The following BICD1 variants were observed in gnomAD, a reference collection of about 807,000 sequenced individuals.
BICD1 encodes protein bicaudal D homolog 1.
In BICD1, 35 loss-of-function variants were observed where a neutral mutation model predicts 92.5. The observed-to-expected ratio is 0.38, with a 90% confidence interval of 0.29 to 0.50. The LOEUF (loss-of-function observed/expected upper bound fraction) is 0.50. Ranked by LOEUF, BICD1 falls within the 20% of genes least tolerant of loss-of-function variation. The pLI is 0.93. For missense variants in BICD1, 950 were observed against 1,189.8 expected (o/e 0.80, Z 2.97); for synonymous variants, 429 against 465.1 (o/e 0.92, Z 1.00).
At chr12:32,307,582 A>G (rs953331752) in intron 4 of BICD1, among the ~76,000 whole-genome samples, 2 of 152,212 alleles carry the variant, frequency 1.3e-5, no homozygotes, top group East Asian at 1.9e-4. Context: ...TATCTCTCCA[A>G]GGTTCTTCAT....
chr12:32,332,189 T>A (rs1816611411), intron 5 of BICD1, among the ~76,000 whole-genome samples: 1 of 151,838 alleles, frequency 6.6e-6, no homozygotes, highest in South Asian at 2.1e-4. Flanking sequence ...AATAGACACA[T>A]AGAGGGGAAC....
intron 1 of BICD1, among the ~76,000 whole-genome samples, chr12:32,126,649 TG>T (rs1942352169): frequency 6.6e-6 from 1 of 151,778 alleles, no homozygotes; most frequent in Non-Finnish European, 1.5e-5. Context: ...CCCAGCTACT[TG>T]GGAGGCTGAG....
intron 2 of BICD1, among the ~76,000 whole-genome samples, chr12:32,288,015 G>A (rs1947620171): frequency 6.6e-6 from 1 of 152,310 alleles, no homozygotes; most frequent in South Asian, 2.1e-4. Context: ...CATAGTCACA[G>A]TGTTACAAGA....
intron 2 of BICD1, among the ~76,000 whole-genome samples, chr12:32,246,257 C>G (rs74794043): frequency 0.052 from 7,452 of 143,158 alleles, 616 homozygotes; most frequent in African/African-American, 0.18. Context: ...GGGAGGATCA[C>G]TTGTGACTGG....
chr12:32,168,237 A>C (rs1446293840), intron 1 of BICD1, among the ~76,000 whole-genome samples: 160 of 152,294 alleles, frequency 1.1e-3, no homozygotes, highest in South Asian at 1.2e-3. Flanking sequence ...ACTGGGAAAT[A>C]CCAGATTGCT....
At chr12:32,177,682 A>ATTCTTTTTTTT (rs766041969) in intron 1 of BICD1, among the ~76,000 whole-genome samples, 1 of 43,036 alleles carries the variant, frequency 2.3e-5, no homozygotes. Flanking sequence ...AAGAAAACAC[A>ATTCTTTTTTTT]TTATTAAAGT....
chr12:32,115,639 G>T (rs994055670), intron 1 of BICD1, among the ~76,000 whole-genome samples: 1 of 152,134 alleles, frequency 6.6e-6, no homozygotes, highest in Non-Finnish European at 1.5e-5. Context: ...AGCATGGATG[G>T]TAAGTGAAAG....
In BICD1 at chr12:32,216,231, C is replaced by T. The variant is rs779371448; in HGVS notation, c.214-16C>T. The T allele has an allele frequency of 6.2e-7, 1 of 1,609,814 alleles. No homozygotes were observed. The highest frequency in any genetic ancestry group is 1.3e-5 in the African/African-American group (1 of 74,718). On this transcript the variant is annotated splice_polypyrimidine_tract_variant and intron_variant, in intron 1 of 9. Coordinates refer to ENST00000652176, the MANE Select transcript of BICD1 (RefSeq NM_001714.4). ...CATTTCATTGTGTACTCTTTTTCTTCCCATATACTCTGCAGGCATTTGGGC... is the reference window on the plus strand; with the variant it reads ...CATTTCATTGTGTACTCTTTTTCTTTCCATATACTCTGCAGGCATTTGGGC...
chr12:32,324,083 C>A (rs928634152), intron 4 of BICD1, among the ~76,000 whole-genome samples: 1 of 152,138 alleles, frequency 6.6e-6, no homozygotes, highest in African/African-American at 2.4e-5. Context: ...GTAATCCCAG[C>A]ACTTTGGGAG....
At chr12:32,173,797 C>A (rs1198033739) in intron 1 of BICD1, among the ~76,000 whole-genome samples, 28 of 152,192 alleles carry the variant, frequency 1.8e-4, no homozygotes, top group African/African-American at 6.8e-4. Flanking sequence ...TCATCAAACA[C>A]TTCTCTAAGA....
At chr12:32,116,492 T>TATATA (rs1565524980) in intron 1 of BICD1, among the ~76,000 whole-genome samples, 13 of 123,058 alleles carry the variant, frequency 1.1e-4, no homozygotes, top group East Asian at 2.6e-4. Flanking sequence ...CTCTCTCTCT[T>TATATA]TCTCTCTCTC....
chr12:32,186,854 T>C (rs947300051), intron 1 of BICD1, among the ~76,000 whole-genome samples: 1 of 152,204 alleles, frequency 6.6e-6, no homozygotes, highest in African/African-American at 2.4e-5. Flanking sequence ...CATTTAGAGG[T>C]GTTATAAAAT....
At chr12:32,236,872 CTTTTT>C (rs57318640) in intron 2 of BICD1, among the ~76,000 whole-genome samples, 1 of 89,320 alleles carries the variant, frequency 1.1e-5, no homozygotes, top group Admixed American at 1.3e-4. Flanking sequence ...AAGTCTAATT[CTTTTT>C]TTTTTTTTTT....
intron 2 of BICD1, among the ~76,000 whole-genome samples, chr12:32,248,809 G>A (rs1023156063): frequency 6.6e-6 from 1 of 152,096 alleles, no homozygotes; most frequent in African/African-American, 2.4e-5. Context: ...CAAAGAGGGG[G>A]GTCTGGAAAA....
At chr12:32,222,984 C>T (rs566278559) in intron 2 of BICD1, among the ~76,000 whole-genome samples, 1 of 152,302 alleles carries the variant, frequency 6.6e-6, no homozygotes, top group Admixed American at 6.5e-5. Flanking sequence ...AAGGTTTCTT[C>T]TATAAGGTTA....
chr12:32,367,593 GC>G, intron 8 of BICD1, 76 bp from the exon 9 acceptor site: 1 of 1,337,780 alleles, frequency 7.5e-7, no homozygotes, highest in Non-Finnish European at 1.1e-6. Context: ...CTCTCAGGCA[GC>G]TGCTTTAGTC....
intron 1 of BICD1, among the ~76,000 whole-genome samples, chr12:32,162,319 C>A (rs1001582221): frequency 2.0e-5 from 3 of 152,202 alleles, no homozygotes; most frequent in Non-Finnish European, 4.4e-5. Context: ...ATCTATTCTA[C>A]TTCCTTAAAG....
At chr12:32,287,788 C>T (rs1183452945) in intron 2 of BICD1, among the ~76,000 whole-genome samples, 1 of 152,188 alleles carries the variant, frequency 6.6e-6, no homozygotes, top group Admixed American at 6.5e-5. Context: ...CCGCCCGCCT[C>T]GGCCTCCCAA....
intron 5 of BICD1, chr12:32,332,442 A>T: frequency 1.0e-6 from 1 of 983,398 alleles, no homozygotes; most frequent in Non-Finnish European, 1.2e-6. Context: ...TTACTTAAGG[A>T]TTTTTTCATA....
Sources: gnomAD v4.1 joint callset for allele counts (sites outside exome capture counted in the v4.1 genomes callset) on GRCh38, gnomAD v4.1.1 for gene constraint, MANE v1.5 for transcripts, NCBI Gene and HGNC (gene_info 2026-07-23, HGNC 2026-07-21) for gene names.